The following GRK7 variants were observed in gnomAD, a reference collection of about 807,000 sequenced individuals.
GRK7 encodes G protein-coupled receptor kinase 7.
Under a neutral mutation model 34.1 loss-of-function variants are expected in GRK7, and 24 were observed. The observed-to-expected ratio is 0.70, with a 90% CI of 0.51 to 0.99. GRK7 has a LOEUF of 0.99. Among genes scored for constraint, GRK7 ranks in the 50% least tolerant of loss-of-function variants. The pLI, the probability that GRK7 is intolerant of heterozygous loss-of-function variation, is 0.00. For synonymous variants in GRK7, 256 were observed against 279.4 expected, an observed-to-expected ratio of 0.92 and a Z score of 0.84; for missense variants, 644 against 707.3, an observed-to-expected ratio of 0.91 and a Z score of 1.02.
intron 4 of GRK7, among the ~76,000 whole-genome samples, chr3:141,788,413 C>G (rs1245620429): frequency 1.3e-5 from 2 of 152,108 alleles, no homozygotes; most frequent in Admixed American, 1.3e-4. Context: ...AGGCTGGGTC[C>G]TGGGCTCTAA....
Position 141,778,109 on chromosome 3 carries a change from T to TAGCC in GRK7, c.-113-60_-113-57dup. 5.5e-6 allele frequency: 4 copies of TAGCC among 730,896 alleles called. No individual in the cohort carries two copies. Among genetic ancestry groups the TAGCC allele is most frequent in the Non-Finnish European group, 8.7e-6 (4 of 460,168 alleles). 45.3% of individuals were successfully genotyped at this position (730,896 alleles called of 1,614,324 possible). On this transcript the variant is annotated intron_variant, in intron 2 of 5. Coordinates refer to ENST00000682958, the MANE Select transcript of GRK7 (RefSeq NM_139209.3). The surrounding 1 kb of genome is among the most constrained non-coding windows in gnomAD (Gnocchi z 4.1). ...TGTGCAGTTCCTGGCGGGCTATACA[T>TAGCC]AGCCAGTCAAAGCTTCTTACAAGAG...
At chr3:141,801,485 T>A (rs1710966487) in intron 4 of GRK7, among the ~76,000 whole-genome samples, 1 of 151,768 alleles carries the variant, frequency 6.6e-6, no homozygotes, top group South Asian at 2.1e-4. Context: ...ATAAAAGAGA[T>A]TTAAGAGACA....
At chr3:141,805,700 A>G (rs934971353) in intron 4 of GRK7, among the ~76,000 whole-genome samples, 1 of 152,232 alleles carries the variant, frequency 6.6e-6, no homozygotes, top group African/African-American at 2.4e-5. Context: ...GTTGTGATCC[A>G]TGTAGAAATT....
At chr3:141,789,127 A>C (rs968087064) in intron 4 of GRK7, among the ~76,000 whole-genome samples, 3 of 152,188 alleles carry the variant, frequency 2.0e-5, no homozygotes, top group Admixed American at 2.0e-4. Context: ...GGAGGAAAGA[A>C]GTTTTAAACT....
Position 141,816,995 on chromosome 3 carries a change from C to T in GRK7, c.1607C>T (p.Pro536Leu). The T allele has an allele frequency of 6.2e-7, 1 of 1,613,340 alleles. No individual in the cohort carries two copies. Among genetic ancestry groups the T allele is most frequent in the Non-Finnish European group, 8.5e-7 (1 of 1,179,872 alleles). ...GAGGAACTGAATGACCCCAACAGACCTACGGGTTGTGAGGAGGGTAATTCA... is the reference window on the plus strand; with the variant it reads ...GAGGAACTGAATGACCCCAACAGACTTACGGGTTGTGAGGAGGGTAATTCA... ...LFEELNDPNR[P>L]TGCEEGNSSK... The change falls in exon 6 of 6, where the codon CCT (proline) becomes CTT (leucine). Residue 536 changes from proline to leucine, a missense_variant. Coordinates refer to ENST00000682958, the MANE Select transcript of GRK7 (RefSeq NM_139209.3).
intron 4 of GRK7, among the ~76,000 whole-genome samples, chr3:141,799,227 C>A (rs984699164): frequency 1.3e-5 from 2 of 152,094 alleles, no homozygotes; most frequent in African/African-American, 4.8e-5. Flanking sequence ...GGGGACTCTA[C>A]AAGGGAGAAA....
chr3:141,760,028 C>G (rs1271792358), upstream of GRK7, among the ~76,000 whole-genome samples: 1 of 124,678 alleles, frequency 8.0e-6, no homozygotes, highest in African/African-American at 3.1e-5. Flanking sequence ...TTTATTGTGT[C>G]TATTTGATTC....
At chr3:141,788,159 TG>T (rs1255776287) in intron 4 of GRK7, among the ~76,000 whole-genome samples, 1 of 152,110 alleles carries the variant, frequency 6.6e-6, no homozygotes, top group African/African-American at 2.4e-5. Context: ...TGTGCCTCCC[TG>T]GGGGGGCACA....
chr3:141,789,697 C>T (rs2084714712), intron 4 of GRK7, among the ~76,000 whole-genome samples: 1 of 143,158 alleles, frequency 7.0e-6, no homozygotes, highest in Admixed American at 6.9e-5. Flanking sequence ...CCCCTAATAA[C>T]TGCTGTTACC....
intron 2 of GRK7, among the ~76,000 whole-genome samples, chr3:141,776,397 A>C (rs2084639437): frequency 6.6e-6 from 1 of 152,222 alleles, no homozygotes; most frequent in African/African-American, 2.4e-5. Context: ...CTACATTCCT[A>C]AGAACCACGG....
rs1484032850 is a variant in GRK7, at chr3:141,765,696, C to T, written c.-257C>T. 6.6e-6 allele frequency among the ~76,000 whole-genome samples: 1 copy of T among 152,104 alleles called. No individual in the cohort carries two copies. The highest frequency in any genetic ancestry group is 1.5e-5 in the Non-Finnish European group (1 of 68,036). On this transcript the variant is annotated 5_prime_UTR_variant, in exon 1 of 6. Coordinates refer to ENST00000682958, the MANE Select transcript of GRK7 (RefSeq NM_139209.3). ...AGCTCTCCCAGCTGAGCTCAGCCAC[C>T]CACCGATCCCCCAGCTGAATGCAAC...
chr3:141,781,111 G>A (rs1459159933), intron 4 of GRK7, among the ~76,000 whole-genome samples: 2 of 152,122 alleles, frequency 1.3e-5, no homozygotes, highest in Non-Finnish European at 2.9e-5. Context: ...CATGGTCCGG[G>A]TGTGTCAATA....
At chr3:141,781,216 G>A (rs2084671051) in intron 4 of GRK7, among the ~76,000 whole-genome samples, 1 of 152,000 alleles carries the variant, frequency 6.6e-6, no homozygotes, top group Non-Finnish European at 1.5e-5. Context: ...CATGATCCTA[G>A]GAGGTAAACT....
At chr3:141,753,309 A>G in the GRK7 span, among the ~76,000 whole-genome samples, 2 of 152,098 alleles carry the variant, frequency 1.3e-5, no homozygotes, top group Admixed American at 1.3e-4. Context: ...TCTGTTTTCA[A>G]CTCTTGGCCA....
the GRK7 span, among the ~76,000 whole-genome samples, chr3:141,757,129 C>CTTTTTTTTTTTTTTTTT: frequency 1.2e-4 from 12 of 101,360 alleles, no homozygotes; most frequent in Non-Finnish European, 1.7e-4. Context: ...AGATCTTCTT[C>CTTTTTTTTTTTTTTTTT]TTTTTTTTTT....
chr3:141,776,864 C>G (rs933789760), intron 2 of GRK7, among the ~76,000 whole-genome samples: 2 of 152,116 alleles, frequency 1.3e-5, no homozygotes, highest in Non-Finnish European at 2.9e-5. Context: ...TTTTAAGCTG[C>G]CTTAGCCTTG....
At chr3:141,777,464 A>G (rs887177020) in intron 2 of GRK7, among the ~76,000 whole-genome samples, 3 of 140,750 alleles carry the variant, frequency 2.1e-5, no homozygotes, top group African/African-American at 8.0e-5. Context: ...AGCTGGGACT[A>G]CAGGCGCCCG....
intron 2 of GRK7, among the ~76,000 whole-genome samples, chr3:141,775,367 A>G (rs1286995595): frequency 6.6e-6 from 1 of 152,156 alleles, no homozygotes; most frequent in African/African-American, 2.4e-5. Context: ...AGCCTGGGCG[A>G]CGACAGAGTG....
At chr3:141,802,509 C>G (rs1710981284) in intron 4 of GRK7, among the ~76,000 whole-genome samples, 1 of 152,124 alleles carries the variant, frequency 6.6e-6, no homozygotes, top group Non-Finnish European at 1.5e-5. Flanking sequence ...AGCCCCACAT[C>G]AAAGTATGTC....
Sources: gnomAD v4.1 joint callset for allele counts (sites outside exome capture counted in the v4.1 genomes callset) on GRCh38, gnomAD v4.1.1 for gene constraint, Gnocchi (gnomAD v3.1) non-coding constraint, MANE v1.5 for transcripts, NCBI Gene and HGNC (gene_info 2026-07-23, HGNC 2026-07-21) for gene names.